The following ACTN1 variants were observed in gnomAD, a reference collection of about 807,000 sequenced individuals.
ACTN1 encodes the protein alpha-actinin-1.
A neutral mutation model predicts 119.6 loss-of-function variants in ACTN1; 30 were observed. That is an observed-to-expected ratio of 0.25 (90% CI 0.19 to 0.34). The LOEUF (loss-of-function observed/expected upper bound fraction) is 0.34. Ranked by LOEUF, ACTN1 falls within the 10% of genes least tolerant of loss-of-function variation. ACTN1 has a pLI of 1.00. For missense variants in ACTN1, 764 were observed against 1,223.4 expected, an observed-to-expected ratio of 0.62 and a Z score of 5.60; for synonymous variants, 429 against 472.6, an observed-to-expected ratio of 0.91 and a Z score of 1.20.
chr14:68,919,408 C>A (rs1490635467), intron 3 of ACTN1, among the ~76,000 whole-genome samples: 1 of 152,228 alleles, frequency 6.6e-6, no homozygotes, highest in African/African-American at 2.4e-5. Flanking sequence ...GCTTCCCACG[C>A]CTGCTTAGTT....
At chr14:68,924,754 G>A (rs1397877271) in intron 2 of ACTN1, among the ~76,000 whole-genome samples, 8 of 152,266 alleles carry the variant, frequency 5.3e-5, no homozygotes, top group Non-Finnish European at 1.2e-4. Context: ...AAGAAGGACT[G>A]AGAAGAAGGA....
chr14:68,952,553 C>T (rs1015803036), intron 1 of ACTN1, among the ~76,000 whole-genome samples: 2 of 152,218 alleles, frequency 1.3e-5, no homozygotes, highest in African/African-American at 2.4e-5. Context: ...GATATGTGCC[C>T]TGTCCCTGTG....
intron 1 of ACTN1, among the ~76,000 whole-genome samples, chr14:68,937,976 G>T (rs1732050716): frequency 6.6e-6 from 1 of 152,246 alleles, no homozygotes; most frequent in Admixed American, 6.5e-5. Context: ...GGGCGTGCTG[G>T]AATCCCTCTG....
At position 68,878,888 on chromosome 14, in the gene ACTN1, G is replaced by C; in HGVS notation, c.2361+101C>G. The C allele has an allele frequency of 6.2e-7, 1 of 1,600,534 alleles. No homozygotes were observed. Among genetic ancestry groups the C allele is most frequent in the Non-Finnish European group, 8.5e-7 (1 of 1,178,352 alleles). On this transcript the variant is annotated intron_variant, in intron 19 of 21. Transcript: ENST00000394419. This position sits in a 1 kb window ranked among gnomAD's most constrained non-coding sequence, Gnocchi z 4.4. Reference sequence around the variant, plus strand: ...GGACGAGCCCCATGGCCCACAGGAGGGGGACAGGAGATCCAGACAGAGAGA... The same window carrying C: ...GGACGAGCCCCATGGCCCACAGGAGCGGGACAGGAGATCCAGACAGAGAGA...
chr14:68,881,458 C>G (rs185838139), intron 16 of ACTN1, among the ~76,000 whole-genome samples: 2 of 152,276 alleles, frequency 1.3e-5, no homozygotes, highest in African/African-American at 4.8e-5. Flanking sequence ...CACCTGAATC[C>G]CATTCATCCC....
chr14:68,944,354 A>G (rs1175791590), intron 1 of ACTN1, among the ~76,000 whole-genome samples: 2 of 152,230 alleles, frequency 1.3e-5, no homozygotes, highest in African/African-American at 2.4e-5. Flanking sequence ...TCCCTCACGC[A>G]GGCCACTGCA....
At chr14:68,929,480 C>G (rs535922302) in intron 1 of ACTN1, among the ~76,000 whole-genome samples, 66 of 152,214 alleles carry the variant, frequency 4.3e-4, no homozygotes, top group Non-Finnish European at 9.1e-4. Context: ...CGATGAAGCC[C>G]TGCCCTATCT....
rs969301109 is a variant in ACTN1, at chr14:68,902,378, A to T, written c.762+99T>A. The T allele has an allele frequency of 2.9e-6, 3 of 1,038,776 alleles. No individual in the cohort carries two copies. The Admixed American group carries it at 5.4e-5, about 19-fold the overall frequency. 64.3% of individuals were successfully genotyped at this position (1,038,776 alleles called of 1,614,324 possible). On this transcript the variant is annotated intron_variant, in intron 8 of 21. Coordinates refer to ENST00000394419, the MANE Select transcript of ACTN1 (RefSeq NM_001130004.2). Reference sequence around the variant, plus strand: ...CTGTCCGAGAGACCAGACCATCCAGATACCTGTCACCAGGAGAGGTGGAGG... The same window carrying T: ...CTGTCCGAGAGACCAGACCATCCAGTTACCTGTCACCAGGAGAGGTGGAGG...
At position 68,874,714 on chromosome 14, in the gene ACTN1, G is replaced by A. The variant is rs2030639010; in HGVS notation, c.*145C>T. On this transcript the variant is annotated 3_prime_UTR_variant, in exon 22 of 22. Transcript: ENST00000394419. ...ATAATTTTGTAAACTGTCACTTCGC[G>A]GGCAGGGAGGATCGATGCCACGTGG... is the stretch of plus-strand genomic sequence containing the variant. 1 of 744,010 alleles carries A rather than the reference G, an allele frequency of 1.3e-6. No individual in the cohort carries two copies. Among genetic ancestry groups the A allele is most frequent in the Non-Finnish European group, 1.9e-6 (1 of 518,028 alleles). 46.1% of individuals were successfully genotyped at this position (744,010 alleles called of 1,614,324 possible). A position where few individuals can be genotyped will look rare whatever the true frequency, so the allele number is the denominator to read the frequency against.
At chr14:68,922,779 A>G (rs1379780896) in intron 2 of ACTN1, among the ~76,000 whole-genome samples, 1 of 152,184 alleles carries the variant, frequency 6.6e-6, no homozygotes, top group Non-Finnish European at 1.5e-5. Context: ...TCCCCCTCTC[A>G]CTAAGTTTGT....
At chr14:68,875,197 A>G (rs1215446509) in intron 21 of ACTN1, 180 bp from the exon 22 acceptor site, 1 of 1,453,686 alleles carries the variant, frequency 6.9e-7, no homozygotes. Context: ...CCGCATACAC[A>G]ACATGTATTT....
chr14:68,892,858 G>A (rs1465893904), intron 9 of ACTN1, among the ~76,000 whole-genome samples: 3 of 152,104 alleles, frequency 2.0e-5, no homozygotes, highest in African/African-American at 7.2e-5. Context: ...CATGACAATA[G>A]GAATACACTG....
At chr14:68,908,988 TCTC>T (rs1399222088) in intron 6 of ACTN1, among the ~76,000 whole-genome samples, 3 of 152,070 alleles carry the variant, frequency 2.0e-5, no homozygotes, top group African/African-American at 7.2e-5. Context: ...GAAAATAGTG[TCTC>T]CTCTTTACAA....
intron 8 of ACTN1, among the ~76,000 whole-genome samples, chr14:68,902,168 G>T (rs1211506921): frequency 6.6e-6 from 1 of 152,220 alleles, no homozygotes; most frequent in Non-Finnish European, 1.5e-5. Context: ...CCTTTCAGTA[G>T]CCTTCCAGAA....
In ACTN1 at chr14:68,884,311, G is replaced by A. The variant is rs778515568; in HGVS notation, c.1495-3C>T. 7 of 1,613,780 alleles carry A rather than the reference G, an allele frequency of 4.3e-6. No individual in the cohort carries two copies. The South Asian group carries it at 5.5e-5, about 13-fold the overall frequency. On this transcript the variant is annotated splice_polypyrimidine_tract_variant and splice_region_variant and intron_variant, in intron 13 of 21. Transcript: ENST00000394419. ...GTCTCCAGCAGTTTCTCGGTCCGCT[G>A]GGAGTGCCAAATAGGGTAAGGGTTA...
chr14:68,974,815 T>G (rs1408967623), intron 1 of ACTN1, among the ~76,000 whole-genome samples: 1 of 152,244 alleles, frequency 6.6e-6, no homozygotes, highest in African/African-American at 2.4e-5. Flanking sequence ...GAGAAGGAAC[T>G]GTCTACATTC....
intron 3 of ACTN1, among the ~76,000 whole-genome samples, chr14:68,913,348 G>A (rs762126720): frequency 6.6e-5 from 10 of 152,144 alleles, no homozygotes; most frequent in African/African-American, 1.9e-4. Context: ...ATAGTAATCC[G>A]GCCCATGGTA....
chr14:68,954,846 T>C (rs149603899), intron 1 of ACTN1, among the ~76,000 whole-genome samples: 101 of 152,324 alleles, frequency 6.6e-4, no homozygotes, highest in African/African-American at 2.3e-3. Context: ...GGTCAGACTT[T>C]TTTTCTTTTT....
chr14:68,970,297 G>T (rs1430121605), intron 1 of ACTN1, among the ~76,000 whole-genome samples: 1 of 152,172 alleles, frequency 6.6e-6, no homozygotes, highest in African/African-American at 2.4e-5. Flanking sequence ...CCCCCCACTT[G>T]GTGCTGATCT....
Sources: gnomAD v4.1 joint callset for allele counts (sites outside exome capture counted in the v4.1 genomes callset) on GRCh38, gnomAD v4.1.1 for gene constraint, Gnocchi (gnomAD v3.1) non-coding constraint, MANE v1.5 for transcripts, NCBI Gene and HGNC (gene_info 2026-07-23, HGNC 2026-07-21) for gene names.